ANK1: variants seen among roughly 807,000 people sequenced by gnomAD.
ANK1 encodes ankyrin-1.
Under a neutral mutation model 210.4 loss-of-function variants are expected in ANK1, and 51 were observed. The observed-to-expected ratio is 0.24, with a 90% CI of 0.19 to 0.31. The LOEUF (loss-of-function observed/expected upper bound fraction) is 0.31. Ranked by LOEUF, ANK1 falls within the 10% of genes least tolerant of loss-of-function variation. The pLI is 1.00. For missense variants in ANK1, 2,051 were observed against 2,504.4 expected, an observed-to-expected ratio of 0.82 and a Z score of 3.86; for synonymous variants, 967 against 1,025.9, an observed-to-expected ratio of 0.94 and a Z score of 1.10.
intron 1 of ANK1, among the ~76,000 whole-genome samples, chr8:41,814,061 A>G (rs1802903675): frequency 6.6e-6 from 1 of 152,222 alleles, no homozygotes; most frequent in African/African-American, 2.4e-5. Context: ...CTATACTGCC[A>G]TTTTAAAAAA....
At chr8:41,822,103 AG>A (rs1804443582) in intron 1 of ANK1, among the ~76,000 whole-genome samples, 21 of 36,216 alleles carry the variant, frequency 5.8e-4, no homozygotes, top group East Asian at 1.3e-3. Flanking sequence ...AGAGAGAGAG[AG>A]AGAGAGAGAG....
In ANK1 at chr8:41,704,217, C is replaced by T; in HGVS notation, c.2197-78G>A. 1 of 1,423,152 alleles carries T rather than the reference C, an allele frequency of 7.0e-7. No individual in the cohort carries two copies. The highest frequency in any genetic ancestry group is 9.9e-7 in the Non-Finnish European group (1 of 1,008,378). 88.2% of individuals were successfully genotyped at this position (1,423,152 alleles called of 1,614,324 possible). On this transcript the variant is annotated intron_variant, in intron 19 of 42. Transcript: ENST00000289734. This position sits in a 1 kb window ranked among gnomAD's most constrained non-coding sequence, Gnocchi z 4.1. ...CTGCCTACACATGATAGTGCCTGCC[C>T]ATCTTCGAAGTGGGACATTAATGAA...
intron 1 of ANK1, among the ~76,000 whole-genome samples, chr8:41,763,235 G>T: frequency 6.8e-6 from 1 of 146,380 alleles, no homozygotes; most frequent in Non-Finnish European, 1.5e-5. Context: ...AAAAATTTAT[G>T]ACAGACAAGC....
rs753219158 is a variant in ANK1 at position 41,696,667 on chromosome 8, G to A, written c.2735+9C>T. The A allele has an allele frequency of 8.1e-6, 13 of 1,604,788 alleles. No homozygotes were observed. Among genetic ancestry groups the A allele is most frequent in the Admixed American group, 1.7e-5 (1 of 59,990 alleles). Reference sequence around the variant, plus strand: ...ACAGGAGTCCCCGAGCCCTGCGCCCGCCACTCACCCTGTATGCACCGGGCT... The same window carrying A: ...ACAGGAGTCCCCGAGCCCTGCGCCCACCACTCACCCTGTATGCACCGGGCT... On this transcript the variant is annotated intron_variant, in intron 25 of 42. Coordinates refer to ENST00000289734, the MANE Select transcript of ANK1 (RefSeq NM_000037.4).
At chr8:41,755,889 G>T (rs549183521) in intron 2 of ANK1, among the ~76,000 whole-genome samples, 66 of 152,298 alleles carry the variant, frequency 4.3e-4, no homozygotes, top group African/African-American at 1.5e-3. Context: ...AAGGGGCGGG[G>T]GGCCTGGTCC....
intron 1 of ANK1, among the ~76,000 whole-genome samples, chr8:41,870,906 A>T (rs1815354560): frequency 6.6e-6 from 1 of 152,122 alleles, no homozygotes; most frequent in Non-Finnish European, 1.5e-5. Flanking sequence ...ATCAAGGATG[A>T]GCTGCTCCCC....
intron 16 of ANK1, among the ~76,000 whole-genome samples, chr8:41,711,185 C>G (rs141326215): frequency 6.6e-6 from 1 of 152,154 alleles, no homozygotes; most frequent in African/African-American, 2.4e-5. Flanking sequence ...GATGCAGGGT[C>G]GGCTCAAAAC....
At chr8:41,744,539 T>TC (rs1352120621) in intron 2 of ANK1, among the ~76,000 whole-genome samples, 3 of 40,154 alleles carry the variant, frequency 7.5e-5, no homozygotes, top group Admixed American at 6.3e-4. Context: ...TTCTTTTCTT[T>TC]TTTTTTTTTT....
intron 1 of ANK1, among the ~76,000 whole-genome samples, chr8:41,884,549 T>C (rs2150833471): frequency 6.6e-6 from 1 of 151,484 alleles, no homozygotes; most frequent in Middle Eastern, 3.4e-3. Flanking sequence ...AAAGGATGAG[T>C]AGAGGCCGAG....
At chr8:41,816,928 G>A (rs1031452543) in intron 1 of ANK1, among the ~76,000 whole-genome samples, 5 of 152,058 alleles carry the variant, frequency 3.3e-5, no homozygotes, top group Admixed American at 3.3e-4. Flanking sequence ...CATATAGATA[G>A]AAACAGATCT....
intron 1 of ANK1, among the ~76,000 whole-genome samples, chr8:41,865,740 G>T (rs1178928053): frequency 6.6e-6 from 1 of 151,904 alleles, no homozygotes; most frequent in Non-Finnish European, 1.5e-5. Context: ...TCCCAGGTAG[G>T]GCCTCTGGAA....
At chr8:41,799,282 C>A (rs1489335553), upstream of ANK1, among the ~76,000 whole-genome samples, 1 of 152,190 alleles carries the variant, frequency 6.6e-6, no homozygotes, top group African/African-American at 2.4e-5. Context: ...CAGATGATCT[C>A]ACTTGGCAAC....
intron 1 of ANK1, among the ~76,000 whole-genome samples, chr8:41,867,099 G>A (rs905298033): frequency 3.5e-4 from 53 of 152,172 alleles, no homozygotes; most frequent in African/African-American, 1.3e-3. Context: ...AGTGTGGGGA[G>A]GTACAGACCC....
At chr8:41,879,506 T>G (rs1261982319) in intron 1 of ANK1, among the ~76,000 whole-genome samples, 2 of 152,232 alleles carry the variant, frequency 1.3e-5, no homozygotes, top group Non-Finnish European at 2.9e-5. Flanking sequence ...GAACAGACAC[T>G]GCTGCCTCTC....
intron 1 of ANK1, among the ~76,000 whole-genome samples, chr8:41,850,038 C>T (rs995595461): frequency 9.9e-5 from 15 of 152,056 alleles, no homozygotes; most frequent in African/African-American, 3.4e-4. Flanking sequence ...CCCCACAGCC[C>T]TGCGACCGCT....
intron 9 of ANK1, 103 bp from the exon 10 acceptor site, chr8:41,719,961 T>C (rs1828824031): frequency 1.5e-6 from 2 of 1,351,054 alleles, no homozygotes; most frequent in Admixed American, 1.9e-5. Flanking sequence ...CCCTACACAA[T>C]GTTTCCACAA....
At chr8:41,849,956 C>T (rs1406672750) in intron 1 of ANK1, among the ~76,000 whole-genome samples, 2 of 152,102 alleles carry the variant, frequency 1.3e-5, no homozygotes, top group African/African-American at 2.4e-5. Context: ...CCCCACAAAC[C>T]TTTATGGCCT....
intron 2 of ANK1, among the ~76,000 whole-genome samples, chr8:41,756,529 G>A (rs749202188): frequency 2.6e-5 from 4 of 151,446 alleles, no homozygotes; most frequent in South Asian, 2.1e-4. Context: ...TGCAACCTCC[G>A]CCTCCTGGGT....
chr8:41,670,725 C>T (rs1310673225), intron 38 of ANK1, among the ~76,000 whole-genome samples: 1 of 152,106 alleles, frequency 6.6e-6, no homozygotes, highest in Admixed American at 6.5e-5. Flanking sequence ...AGGGGTCACA[C>T]AGGTGGGACT....
Sources: allele counts gnomAD v4.1 joint callset (sites outside exome capture counted in the v4.1 genomes callset), GRCh38; gene constraint gnomAD v4.1.1; non-coding constraint Gnocchi (gnomAD v3.1); transcripts MANE v1.5; gene names NCBI Gene and HGNC (gene_info 2026-07-23, HGNC 2026-07-21).